The following FOXN4 variants were observed in gnomAD, a reference collection of about 807,000 sequenced individuals.
FOXN4 encodes forkhead box N4, also known as forkhead box protein N4.
Under a neutral mutation model 45.0 loss-of-function variants are expected in FOXN4, and 12 were observed. The observed-to-expected ratio is 0.27, with a 90% CI of 0.17 to 0.43. The LOEUF (loss-of-function observed/expected upper bound fraction) is 0.43, where lower values mean the gene tolerates loss of function less well. FOXN4 is among the 20% of genes least tolerant of loss of function. FOXN4 has a pLI of 1.00. For synonymous variants in FOXN4, 297 were observed against 295.0 expected, an observed-to-expected ratio of 1.01 and a Z score of -0.07; for missense variants, 560 against 694.9, an observed-to-expected ratio of 0.81 and a Z score of 2.18.
chr12:109,299,372 G>A (rs1261738044), intron 2 of FOXN4, among the ~76,000 whole-genome samples: 2 of 151,892 alleles, frequency 1.3e-5, no homozygotes, highest in African/African-American at 4.8e-5. Flanking sequence ...ACACACACGT[G>A]CACACACACA....
intron 2 of FOXN4, among the ~76,000 whole-genome samples, chr12:109,305,606 T>C (rs952174942): frequency 6.6e-6 from 1 of 152,112 alleles, no homozygotes; most frequent in African/African-American, 2.4e-5. Flanking sequence ...TGCTCTCGCC[T>C]GTAATCCCAC....
rs957752512 is a variant in FOXN4 at position 109,281,438 on chromosome 12, G to A, written c.1263C>T (p.Leu421=). 5.7e-5 allele frequency: 92 copies of A among 1,613,836 alleles called. No homozygotes were observed. Among genetic ancestry groups the A allele is most frequent in the Non-Finnish European group, 6.5e-5 (77 of 1,179,896 alleles). ...STDMNTEVDA[L]DPSIMDFALQ... ...GAGCGAAGTCCATGATGCTCGGGTC[G>A]AGGGCATCCACCTCAGTGTTCATGT... Residue 421 remains leucine (L), a synonymous_variant, in exon 9 of 10, where the codon CTC becomes CTT. Transcript: ENST00000299162.
In FOXN4 at chr12:109,291,809, G is replaced by A. The variant is rs2047771200; in HGVS notation, c.87-1523C>T. Among the ~76,000 whole-genome samples the A allele has an allele frequency of 6.6e-6, 1 of 152,124 alleles. No homozygotes were observed. Among genetic ancestry groups the A allele is most frequent in the Admixed American group, 6.5e-5 (1 of 15,284 alleles). On this transcript the variant is annotated intron_variant, in intron 2 of 9. Coordinates refer to ENST00000299162, the MANE Select transcript of FOXN4 (RefSeq NM_213596.3). The surrounding 1 kb of genome is among the most constrained non-coding windows in gnomAD (Gnocchi z 6.6). ...CCGGCCGGCCGTGTCAGTGGCAGCAGTTGGTCCGGCTGCTGTCCCCCGGCA... is the reference window on the plus strand; with the variant it reads ...CCGGCCGGCCGTGTCAGTGGCAGCAATTGGTCCGGCTGCTGTCCCCCGGCA...
chr12:109,283,111 A>G (rs1565997486), intron 8 of FOXN4, among the ~76,000 whole-genome samples: 1 of 152,160 alleles, frequency 6.6e-6, no homozygotes, highest in African/African-American at 2.4e-5. Flanking sequence ...CTGGGGCACA[A>G]TTAGCCTCCA....
At chr12:109,306,268 GCAA>G (rs779216504) in intron 2 of FOXN4, among the ~76,000 whole-genome samples, 1 of 152,168 alleles carries the variant, frequency 6.6e-6, no homozygotes, top group Non-Finnish European at 1.5e-5. Context: ...AATCCTCCCA[GCAA>G]CTGCATGAGG....
intron 8 of FOXN4, 136 bp downstream of exon 8, chr12:109,285,144 TTGTGTGTGTGCGCATATTTGTGTG>T (rs1236507453): frequency 4.9e-5 from 15 of 306,060 alleles, no homozygotes; most frequent in African/African-American, 3.3e-4. Context: ...GTGCGTGTAT[TTGTGTGTGTGCGCATATTTGTGTG>T]TGTGCGCGTG....
chr12:109,283,216 G>A (rs907023851), intron 8 of FOXN4, among the ~76,000 whole-genome samples: 35 of 151,924 alleles, frequency 2.3e-4, no homozygotes, highest in African/African-American at 8.2e-4. Flanking sequence ...TTCTAATTAG[G>A]AACAGGATAG....
At chr12:109,283,443 T>C (rs2047671568) in intron 8 of FOXN4, among the ~76,000 whole-genome samples, 1 of 151,860 alleles carries the variant, frequency 6.6e-6, no homozygotes. Flanking sequence ...ATATTGATTA[T>C]AACCTGCCCC....
rs189147526 is a variant in FOXN4, at chr12:109,279,262, C to T, written c.*409G>A. ...GAGGATGAATTCAAGGGCTTTCACC[C>T]CAGGGTGTTTCCTTAATGCACCAAG... On this transcript the variant is annotated 3_prime_UTR_variant, in exon 10 of 10. Coordinates refer to ENST00000299162, the MANE Select transcript of FOXN4 (RefSeq NM_213596.3). 228 of 258,210 alleles carry T rather than the reference C, an allele frequency of 8.8e-4. No individual in the cohort carries two copies. The highest frequency in any genetic ancestry group is 4.8e-3 in the African/African-American group (220 of 45,862). 16.0% of individuals were successfully genotyped at this position (258,210 alleles called of 1,614,324 possible).
chr12:109,308,379 G>T, intron 1 of FOXN4, 55 bp from the exon 2 acceptor site: 1 of 1,217,676 alleles, frequency 8.2e-7, no homozygotes, highest in Non-Finnish European at 1.2e-6. Context: ...TATGGACAGG[G>T]CAGAAACCCA....
chr12:109,294,131 G>A (rs558005300), intron 2 of FOXN4, among the ~76,000 whole-genome samples: 38 of 152,282 alleles, frequency 2.5e-4, no homozygotes, highest in African/African-American at 8.2e-4. Context: ...GGGGCTACGC[G>A]AACCGGCATC....
chr12:109,298,482 C>T (rs938747593), intron 2 of FOXN4, among the ~76,000 whole-genome samples: 1 of 152,008 alleles, frequency 6.6e-6, no homozygotes, highest in Admixed American at 6.6e-5. Flanking sequence ...CTGTCTCAGC[C>T]GCCTGAGTAG....
At chr12:109,301,045 C>A (rs1355647679) in intron 2 of FOXN4, among the ~76,000 whole-genome samples, 1 of 152,240 alleles carries the variant, frequency 6.6e-6, no homozygotes, top group Non-Finnish European at 1.5e-5. Flanking sequence ...TGGCTTCCAT[C>A]CTACGCTGAC....
In FOXN4 at chr12:109,306,159, C is replaced by T. The variant is rs746860692; in HGVS notation, c.86+2077G>A. Among the ~76,000 whole-genome samples, 70 of 152,270 alleles carry T rather than the reference C, an allele frequency of 4.6e-4. 1 individual carries two copies. Among genetic ancestry groups the T allele is most frequent in the Admixed American group, 8.5e-4 (13 of 15,304 alleles). On this transcript the variant is annotated intron_variant, in intron 2 of 9. Coordinates refer to ENST00000299162, the MANE Select transcript of FOXN4 (RefSeq NM_213596.3). ...CCACCGTGAGAGCCCTCCATAGACG[C>T]GTCTCTTGCGGGAAGCTGGACTCTC...
At chr12:109,304,227 GAAAGAAAGAA>G (rs1566005507) in intron 2 of FOXN4, among the ~76,000 whole-genome samples, 13 of 23,860 alleles carry the variant, frequency 5.4e-4, no homozygotes, top group African/African-American at 1.9e-3. Context: ...GAAAGAGAAA[GAAAGAAAGAA>G]AGAAAGAAAG....
intron 8 of FOXN4, 28 bp downstream of exon 8, chr12:109,285,258 TGTGTGTGTGTGTGTGTGC>T: frequency 6.5e-7 from 1 of 1,536,628 alleles, no homozygotes. Flanking sequence ...TGTGTGTGTG[TGTGTGTGTGTGTGTGTGC>T]GCGCACTGCG....
chr12:109,279,347 G>A lies in FOXN4; in HGVS notation c.*324C>T. The A allele has an allele frequency of 2.5e-6, 1 of 403,408 alleles. No homozygotes were observed. The highest frequency in any genetic ancestry group is 2.8e-5 in the South Asian group (1 of 35,470). The allele number at this position is 403,408 out of a possible 1,614,324, so 25.0% of individuals were successfully genotyped here. A position where few individuals can be genotyped will look rare whatever the true frequency, so the allele number is the denominator to read the frequency against. On this transcript the variant is annotated 3_prime_UTR_variant, in exon 10 of 10. Transcript: ENST00000299162. ...CGCAGCCAGGATCCAGGATGGAGAA[G>A]TCTCACTCAACACGGGCAGGCATTG...
intron 2 of FOXN4, among the ~76,000 whole-genome samples, chr12:109,304,731 G>T (rs553690447): frequency 4.3e-4 from 65 of 152,344 alleles, no homozygotes; most frequent in African/African-American, 1.5e-3. Context: ...CTGCACGAGA[G>T]GCTGGACCCA....
rs150863915 is a variant in FOXN4, at chr12:109,280,695, C to T, written c.1294+712G>A. ...TGACTTGCCACTTGTCCATTTCCCT[C>T]GCTAGAGACAGAACTCAGGGCAGAG... On this transcript the variant is annotated intron_variant, in intron 9 of 9. Coordinates refer to ENST00000299162, the MANE Select transcript of FOXN4 (RefSeq NM_213596.3). 4.6e-5 allele frequency among the ~76,000 whole-genome samples: 7 copies of T among 152,332 alleles called. No individual in the cohort carries two copies. The East Asian group carries it at 7.7e-4, about 17-fold the overall frequency.
Sources: gnomAD v4.1 joint callset for allele counts (sites outside exome capture counted in the v4.1 genomes callset) on GRCh38, gnomAD v4.1.1 for gene constraint, Gnocchi (gnomAD v3.1) non-coding constraint, MANE v1.5 for transcripts, NCBI Gene and HGNC (gene_info 2026-07-23, HGNC 2026-07-21) for gene names.